The following APBB1IP variants were observed in gnomAD, a reference collection of about 807,000 sequenced individuals.
APBB1IP encodes the protein amyloid beta precursor protein binding family B member 1 interacting protein, also known as amyloid beta A4 precursor protein-binding family B member 1-interacting protein.
A neutral mutation model predicts 64.9 loss-of-function variants in APBB1IP; 27 were observed. The observed-to-expected ratio is 0.42, with a 90% CI of 0.31 to 0.57. The LOEUF (loss-of-function observed/expected upper bound fraction) is 0.57, where lower values mean the gene tolerates loss of function less well. Ranked by LOEUF, APBB1IP falls within the 20% of genes least tolerant of loss-of-function variation. The pLI is 0.20. For missense variants in APBB1IP, 812 were observed against 845.5 expected (o/e 0.96, Z 0.49); for synonymous variants, 392 against 331.0 (o/e 1.18, Z -2.00).
intron 2 of APBB1IP, among the ~76,000 whole-genome samples, chr10:26,463,567 G>A (rs2132408430): frequency 6.6e-6 from 1 of 152,274 alleles, no homozygotes; most frequent in Non-Finnish European, 1.5e-5. Context: ...GGTGTCCCAA[G>A]CTTTCTGGGC....
intron 11 of APBB1IP, among the ~76,000 whole-genome samples, chr10:26,545,478 A>G (rs1171754798): frequency 6.6e-6 from 1 of 152,108 alleles, no homozygotes; most frequent in African/African-American, 2.4e-5. Flanking sequence ...TACAAAAATT[A>G]GGCCGGGCGC....
chr10:26,514,780 T>C (rs559142609), intron 8 of APBB1IP, among the ~76,000 whole-genome samples: 2 of 152,190 alleles, frequency 1.3e-5, no homozygotes, highest in African/African-American at 4.8e-5. Flanking sequence ...CTAGGTTGTA[T>C]GGTGGCTGAC....
chr10:26,455,847 A>G (rs1331781681), intron 2 of APBB1IP, among the ~76,000 whole-genome samples: 1 of 152,236 alleles, frequency 6.6e-6, no homozygotes, highest in African/African-American at 2.4e-5. Context: ...AAAAATGTGC[A>G]GGCAAGTGTT....
At chr10:26,561,257 A>T (rs1225726301) in intron 13 of APBB1IP, among the ~76,000 whole-genome samples, 1 of 150,088 alleles carries the variant, frequency 6.7e-6, no homozygotes, top group Non-Finnish European at 1.5e-5. Flanking sequence ...TTTAGTAGAG[A>T]CAGGGTTTCA....
At chr10:26,540,685 A>T (rs1006730595) in intron 10 of APBB1IP, among the ~76,000 whole-genome samples, 10 of 152,184 alleles carry the variant, frequency 6.6e-5, no homozygotes, top group South Asian at 4.1e-4. Flanking sequence ...CTAGTAAAGA[A>T]ATATAGAAAG....
intron 2 of APBB1IP, among the ~76,000 whole-genome samples, chr10:26,442,067 G>T (rs1004710338): frequency 6.6e-6 from 1 of 152,124 alleles, no homozygotes; most frequent in Admixed American, 6.5e-5. Flanking sequence ...TCCACAATGA[G>T]TTTATAGTCT....
chr10:26,556,627 G>A (rs895529532), intron 11 of APBB1IP, among the ~76,000 whole-genome samples: 1 of 152,110 alleles, frequency 6.6e-6, no homozygotes, highest in African/African-American at 2.4e-5. Flanking sequence ...ATTGTTTAGG[G>A]TGCTTGTTAA....
intron 2 of APBB1IP, among the ~76,000 whole-genome samples, chr10:26,461,900 CTGA>C (rs1262486277): frequency 6.6e-6 from 1 of 152,146 alleles, no homozygotes; most frequent in African/African-American, 2.4e-5. Flanking sequence ...AGGAACACTA[CTGA>C]TGTGTATATA....
chr10:26,448,123 ATT>A (rs935400372), intron 2 of APBB1IP, among the ~76,000 whole-genome samples: 18 of 143,326 alleles, frequency 1.3e-4, no homozygotes, highest in African/African-American at 4.7e-4. Flanking sequence ...AGTGACATAA[ATT>A]TTTACTAAAA....
chr10:26,450,230 A>G (rs1183272510), intron 2 of APBB1IP, among the ~76,000 whole-genome samples: 1 of 152,234 alleles, frequency 6.6e-6, no homozygotes, highest in Non-Finnish European at 1.5e-5. Flanking sequence ...GCGTCTGTAC[A>G]TGCAAAGCAC....
chr10:26,463,473 A>G (rs564549415), intron 2 of APBB1IP, among the ~76,000 whole-genome samples: 1 of 152,082 alleles, frequency 6.6e-6, no homozygotes, highest in South Asian at 2.1e-4. Flanking sequence ...ACTTCACTGG[A>G]ATGTGGAAAT....
At chr10:26,511,724 C>T (rs778044178) in intron 6 of APBB1IP, 23 bp from the exon 7 acceptor site, 1 of 1,607,334 alleles carries the variant, frequency 6.2e-7, no homozygotes, top group Non-Finnish European at 8.5e-7. Context: ...AATTTACTGG[C>T]TGCCCCATGG....
At position 26,533,512 on chromosome 10, in the gene APBB1IP, A is replaced by G. The variant is rs766532031; in HGVS notation, c.887A>G (p.Glu296Gly). Residue 296 changes from glutamate (E) to glycine (G), a missense_variant, in exon 9 of 15, where the codon GAA becomes GGA. Physicochemically the swap from Glu to Gly is moderately conservative, Grantham distance 98. This residue lies in a region of APBB1IP where 394 missense variants were observed against 413.1 expected (regional missense o/e 0.95). Transcript: ENST00000376236. ...TNEKMNAKNK[E>G]SLLEESFCGT... ...GAGAAAATGAATGCTAAGAACAAGGAATCCTTACTTGAGGTAAGGTTAATT... is the reference window on the plus strand; with the variant it reads ...GAGAAAATGAATGCTAAGAACAAGGGATCCTTACTTGAGGTAAGGTTAATT... The G allele has an allele frequency of 1.2e-6, 2 of 1,603,276 alleles. No individual in the cohort carries two copies. Among genetic ancestry groups the G allele is most frequent in the South Asian group, 2.3e-5 (2 of 88,638 alleles).
At chr10:26,458,295 G>A (rs924850573) in intron 2 of APBB1IP, among the ~76,000 whole-genome samples, 2 of 152,104 alleles carry the variant, frequency 1.3e-5, no homozygotes, top group Non-Finnish European at 2.9e-5. Flanking sequence ...GGCTGAGGTG[G>A]GAAAGTCGCT....
At chr10:26,463,442 A>C (rs1835615564) in intron 2 of APBB1IP, among the ~76,000 whole-genome samples, 2 of 152,294 alleles carry the variant, frequency 1.3e-5, no homozygotes, top group African/African-American at 2.4e-5. Context: ...CCCATGTCTA[A>C]AATTTTTAAA....
intron 2 of APBB1IP, among the ~76,000 whole-genome samples, chr10:26,442,549 G>C (rs1017297453): frequency 6.6e-6 from 1 of 152,154 alleles, no homozygotes; most frequent in African/African-American, 2.4e-5. Context: ...CGACTGGAGG[G>C]TTTGCATCCA....
chr10:26,509,751 T>C (rs1330628778), intron 6 of APBB1IP: 2 of 152,212 alleles, frequency 1.3e-5, no homozygotes, highest in East Asian at 3.8e-4. Flanking sequence ...TTACCAAATT[T>C]ATGGTTTCTC....
chr10:26,550,705 G>T (rs1050380216), intron 11 of APBB1IP, among the ~76,000 whole-genome samples: 1 of 152,002 alleles, frequency 6.6e-6, no homozygotes, highest in Non-Finnish European at 1.5e-5. Flanking sequence ...AGCTATTTTT[G>T]AATTCTTTGT....
intron 11 of APBB1IP, among the ~76,000 whole-genome samples, chr10:26,547,355 C>G (rs1347469619): frequency 1.3e-5 from 2 of 152,056 alleles, no homozygotes. Flanking sequence ...TAGGTTGTCT[C>G]TTTACTCTGT....
Sources: gnomAD v4.1 joint callset for allele counts (sites outside exome capture counted in the v4.1 genomes callset) on GRCh38, gnomAD v4.1.1 for gene constraint, gnomAD v4.1.1 regional missense constraint, MANE v1.5 for transcripts, NCBI Gene and HGNC (gene_info 2026-07-23, HGNC 2026-07-21) for gene names.